BMPER: variants seen among roughly 807,000 people sequenced by gnomAD.
BMPER encodes BMP binding endothelial regulator, also known as BMP-binding endothelial regulator protein.
Under a neutral mutation model 87.3 loss-of-function variants are expected in BMPER, and 45 were observed. That is an observed-to-expected ratio of 0.52 (90% CI 0.41 to 0.66). The LOEUF is 0.66. Ranked by LOEUF, BMPER falls within the 30% of genes least tolerant of loss-of-function variation. BMPER has a pLI of 0.00. For synonymous variants in BMPER, 326 were observed against 316.2 expected (o/e 1.03, Z -0.33); for missense variants, 784 against 867.5 (o/e 0.90, Z 1.21).
At chr7:34,074,249 C>A (rs933404641) in intron 11 of BMPER, among the ~76,000 whole-genome samples, 1 of 152,184 alleles carries the variant, frequency 6.6e-6, no homozygotes, top group African/African-American at 2.4e-5. Context: ...TCCACCCCCA[C>A]CCCCATACAT....
intron 6 of BMPER, among the ~76,000 whole-genome samples, chr7:34,002,000 T>C (rs1786594376): frequency 1.3e-5 from 2 of 151,926 alleles, no homozygotes; most frequent in South Asian, 4.1e-4. Context: ...TGACTTTCAA[T>C]TTTATTCTTT....
Position 34,153,298 on chromosome 7 carries a change from T to G in BMPER, c.*25T>G. The G allele has an allele frequency of 5.6e-6, 9 of 1,612,944 alleles. No homozygotes were observed. The highest frequency in any genetic ancestry group is 1.3e-5 in the African/African-American group (1 of 74,974). On this transcript the variant is annotated 3_prime_UTR_variant, in exon 15 of 15. Coordinates refer to ENST00000649409, the MANE Select transcript of BMPER (RefSeq NM_001365308.1). Reference sequence around the variant, plus strand: ...ACCTTTGTTTCGATCCTTAAGACTCTGAAATCTGGTGACTTTGACACTGAA... The same window carrying G: ...ACCTTTGTTTCGATCCTTAAGACTCGGAAATCTGGTGACTTTGACACTGAA...
At chr7:34,107,084 CT>C (rs1789838470) in intron 13 of BMPER, among the ~76,000 whole-genome samples, 1 of 152,168 alleles carries the variant, frequency 6.6e-6, no homozygotes, top group Non-Finnish European at 1.5e-5. Flanking sequence ...TTTAGGTCCT[CT>C]GTTGCTGTCC....
chr7:34,086,159 G>C, intron 13 of BMPER, 67 bp downstream of exon 13: 1 of 1,536,528 alleles, frequency 6.5e-7, no homozygotes, highest in Non-Finnish European at 8.9e-7. Flanking sequence ...CTTGGAACAT[G>C]GTGTATGAAA....
At chr7:33,994,163 A>T (rs973005229) in intron 6 of BMPER, among the ~76,000 whole-genome samples, 5 of 152,068 alleles carry the variant, frequency 3.3e-5, no homozygotes, top group Admixed American at 6.5e-5. Context: ...TCGAGCTTCC[A>T]GGCTGCTTTG....
intron 12 of BMPER, among the ~76,000 whole-genome samples, chr7:34,080,248 A>G (rs1294183276): frequency 6.6e-6 from 1 of 152,182 alleles, no homozygotes; most frequent in Non-Finnish European, 1.5e-5. Flanking sequence ...GGCACTTTTC[A>G]GGGGCTATAG....
chr7:34,056,854 C>T (rs533082968), intron 9 of BMPER, among the ~76,000 whole-genome samples: 43 of 152,214 alleles, frequency 2.8e-4, no homozygotes, highest in African/African-American at 8.9e-4. Context: ...CCGACCTTGT[C>T]GTCCACCCTC....
intron 2 of BMPER, among the ~76,000 whole-genome samples, chr7:33,926,741 T>G (rs1023862823): frequency 4.6e-5 from 7 of 152,234 alleles, no homozygotes; most frequent in Non-Finnish European, 1.0e-4. Context: ...AAACCTTAGC[T>G]CACAGAATTG....
chr7:34,124,406 A>G (rs1370249278), intron 13 of BMPER, among the ~76,000 whole-genome samples: 2 of 151,858 alleles, frequency 1.3e-5, no homozygotes, highest in East Asian at 3.9e-4. Context: ...CCATTTACAC[A>G]GTACATTTTA....
At chr7:34,106,795 C>T (rs1789831048) in intron 13 of BMPER, among the ~76,000 whole-genome samples, 1 of 152,244 alleles carries the variant, frequency 6.6e-6, no homozygotes, top group Admixed American at 6.5e-5. Flanking sequence ...CTATTCCTTT[C>T]TCAAACCTCT....
intron 13 of BMPER, among the ~76,000 whole-genome samples, chr7:34,121,958 A>AG (rs1482493099): frequency 1.6e-5 from 1 of 63,400 alleles, no homozygotes; most frequent in Non-Finnish European, 3.8e-5. Context: ...CCATCTCTAC[A>AG]ATTTTTTTTT....
chr7:34,005,617 C>T (rs1369844468), intron 6 of BMPER, among the ~76,000 whole-genome samples: 1 of 151,768 alleles, frequency 6.6e-6, no homozygotes, highest in Non-Finnish European at 1.5e-5. Context: ...ATTGCCCAGT[C>T]TTGTCTCAAA....
intron 13 of BMPER, among the ~76,000 whole-genome samples, chr7:34,130,800 G>A (rs1223583907): frequency 6.6e-6 from 1 of 152,212 alleles, no homozygotes; most frequent in Non-Finnish European, 1.5e-5. Context: ...CTACTCAGCT[G>A]CATATTGAAG....
chr7:34,049,759 T>TA (rs905926890), intron 7 of BMPER, among the ~76,000 whole-genome samples: 14 of 152,054 alleles, frequency 9.2e-5, no homozygotes, highest in African/African-American at 2.9e-4. Context: ...TTATCACAAT[T>TA]AAAAAAAATT....
intron 6 of BMPER, among the ~76,000 whole-genome samples, chr7:33,976,278 A>G (rs1785685145): frequency 6.6e-6 from 1 of 151,868 alleles, no homozygotes; most frequent in South Asian, 2.1e-4. Context: ...TCAGCCTCCC[A>G]AGTAGCTGGG....
chr7:33,936,424 C>T (rs1784604251), intron 2 of BMPER, among the ~76,000 whole-genome samples: 1 of 152,126 alleles, frequency 6.6e-6, no homozygotes, highest in Admixed American at 6.5e-5. Flanking sequence ...CTCTGAGCAG[C>T]AGTTTTCTTG....
At chr7:34,014,386 A>G (rs1416879382) in intron 6 of BMPER, among the ~76,000 whole-genome samples, 1 of 151,992 alleles carries the variant, frequency 6.6e-6, no homozygotes, top group African/African-American at 2.4e-5. Flanking sequence ...ATACTAAGGC[A>G]TTAATACTAG....
chr7:33,951,390 C>T (rs926629086), intron 3 of BMPER, among the ~76,000 whole-genome samples: 7 of 152,108 alleles, frequency 4.6e-5, no homozygotes, highest in Admixed American at 2.6e-4. Context: ...ATGCTCACTT[C>T]CTGCCATGGA....
chr7:34,154,441 T>G lies in BMPER; in HGVS notation c.*1168T>G, dbSNP rs1791263041. The G allele has an allele frequency of 6.6e-6, 1 of 152,210 alleles. No homozygotes were observed. The highest frequency in any genetic ancestry group is 2.4e-5 in the African/African-American group (1 of 41,462). The allele number at this position is 152,210 out of a possible 1,614,324, so 9.4% of individuals were successfully genotyped here. A position where few individuals can be genotyped will look rare whatever the true frequency, so the allele number is the denominator to read the frequency against. On this transcript the variant is annotated 3_prime_UTR_variant, in exon 15 of 15. Transcript: ENST00000649409. Reference sequence around the variant, plus strand: ...ATCAACAAAAACAAAACCCACTGTGTCTTAAAATAAAATGTTCTGCATTGT... The same window carrying G: ...ATCAACAAAAACAAAACCCACTGTGGCTTAAAATAAAATGTTCTGCATTGT...
Sources: gnomAD v4.1 joint callset for allele counts (sites outside exome capture counted in the v4.1 genomes callset) on GRCh38, gnomAD v4.1.1 for gene constraint, MANE v1.5 for transcripts, NCBI Gene and HGNC (gene_info 2026-07-23, HGNC 2026-07-21) for gene names.